SECISBP2: variants seen among roughly 807,000 people sequenced by gnomAD.
SECISBP2 encodes the protein SECIS binding protein 2.
SECISBP2 carries 96 observed loss-of-function variants against 98.2 expected under a neutral mutation model. That is an observed-to-expected ratio of 0.98 (90% CI 0.83 to 1.16). The LOEUF is 1.16. SECISBP2 is among the 50% of genes most tolerant of loss of function. The pLI is 0.00. For synonymous variants in SECISBP2, 407 were observed against 370.2 expected, an observed-to-expected ratio of 1.10 and a Z score of -1.14; for missense variants, 1,046 against 1,022.9, an observed-to-expected ratio of 1.02 and a Z score of -0.31.
intron 14 of SECISBP2, among the ~76,000 whole-genome samples, chr9:89,354,625 G>A (rs1184259515): frequency 1.3e-5 from 2 of 152,154 alleles, no homozygotes; most frequent in Non-Finnish European, 1.5e-5. Context: ...CACCATAGAG[G>A]CACAGTGAGT....
chr9:89,334,792 A>T, intron 7 of SECISBP2, 62 bp downstream of exon 7: 1 of 1,222,340 alleles, frequency 8.2e-7, no homozygotes. Context: ...AGAGTGGGGA[A>T]TGAGAAGTTA....
chr9:89,318,684 C>A, intron 1 of SECISBP2, 72 bp downstream of exon 1: 2 of 1,332,364 alleles, frequency 1.5e-6, no homozygotes, highest in South Asian at 1.7e-5. Flanking sequence ...CTCGGCCGGG[C>A]GGTGACGGGG....
rs1830971995 is a variant in SECISBP2 at position 89,349,698 on chromosome 9, G to C, written c.1739-78G>C. The C allele has an allele frequency of 1.2e-5, 18 of 1,493,198 alleles. No individual in the cohort carries two copies. The South Asian group carries it at 1.9e-4, about 16-fold the overall frequency. 92.5% of individuals were successfully genotyped at this position (1,493,198 alleles called of 1,614,324 possible). On this transcript the variant is annotated intron_variant, in intron 12 of 16. Coordinates refer to ENST00000375807, the MANE Select transcript of SECISBP2 (RefSeq NM_024077.5). ...TGTGCAGGGGTCTGGTTGCATCGGT[G>C]AGACTGCATTGGGCCAGCCCCTCAG...
chr9:89,320,355 C>CAAA (rs776426275), intron 2 of SECISBP2, among the ~76,000 whole-genome samples: 4 of 51,920 alleles, frequency 7.7e-5, no homozygotes, highest in African/African-American at 1.9e-4. Flanking sequence ...GACTCTGTCT[C>CAAA]AAAAAAAAAA....
rs369021208 is a variant in SECISBP2, at chr9:89,358,834, C to T, written c.*10C>T. The T allele has an allele frequency of 2.1e-4, 336 of 1,573,924 alleles. 2 individuals are homozygous for T. The South Asian group carries it at 3.5e-3, about 16-fold the overall frequency. On this transcript the variant is annotated 3_prime_UTR_variant, in exon 17 of 17. Coordinates refer to ENST00000375807, the MANE Select transcript of SECISBP2 (RefSeq NM_024077.5). ...GAATTTGAATTTATGAGAGTTCTTG[C>T]CTGTGTGTCTGTATTTTGGGTAAGG...
intron 14 of SECISBP2, among the ~76,000 whole-genome samples, chr9:89,351,415 G>T (rs890922473): frequency 1.3e-5 from 2 of 152,172 alleles, no homozygotes; most frequent in Admixed American, 1.3e-4. Flanking sequence ...CTGTGCTTGT[G>T]CTGTCTTGGC....
chr9:89,364,441 T>A, downstream of SECISBP2: 1 of 223,278 alleles, frequency 4.5e-6, no homozygotes, highest in East Asian at 9.8e-5. Context: ...CATGAGGGCC[T>A]GTCTCTCCAA....
At chr9:89,319,966 C>T (rs939857479) in intron 2 of SECISBP2, among the ~76,000 whole-genome samples, 169 bp downstream of exon 2, 2 of 152,144 alleles carry the variant, frequency 1.3e-5, no homozygotes, top group Non-Finnish European at 2.9e-5. Flanking sequence ...GTATCCTGTG[C>T]CAAAAACAGA....
intron 12 of SECISBP2, 86 bp downstream of exon 12, chr9:89,348,300 A>G (rs1243469496): frequency 1.4e-6 from 2 of 1,462,350 alleles, no homozygotes; most frequent in Non-Finnish European, 1.9e-6. Context: ...ACTCTCCAGG[A>G]CTTGGCTGAC....
At chr9:89,320,942 G>GTT (rs1440626352) in intron 2 of SECISBP2, among the ~76,000 whole-genome samples, 1 of 152,168 alleles carries the variant, frequency 6.6e-6, no homozygotes, top group Non-Finnish European at 1.5e-5. Context: ...ATTGAAAATA[G>GTT]TTTGTACTGT....
chr9:89,362,530 A>G, downstream of SECISBP2: 8 of 1,598,822 alleles, frequency 5.0e-6, no homozygotes, highest in Non-Finnish European at 6.0e-6. Context: ...AGAGCACTCA[A>G]GGCCTCAGCC....
intron 9 of SECISBP2, among the ~76,000 whole-genome samples, chr9:89,340,714 T>C (rs1311598704): frequency 6.6e-6 from 1 of 152,188 alleles, no homozygotes; most frequent in Non-Finnish European, 1.5e-5. Flanking sequence ...AAGAGAACAC[T>C]TGGCAGGAGA....
chr9:89,326,959 A>G (rs1201181053), intron 4 of SECISBP2, among the ~76,000 whole-genome samples: 1 of 152,140 alleles, frequency 6.6e-6, no homozygotes, highest in African/African-American at 2.4e-5. Flanking sequence ...TCAGGAGATC[A>G]AGATCATCCT....
At chr9:89,333,946 C>A in intron 6 of SECISBP2, 1 of 885,822 alleles carries the variant, frequency 1.1e-6, no homozygotes, top group African/African-American at 1.8e-5. Flanking sequence ...CTGTTTTACC[C>A]TTGGGGGTAG....
intron 2 of SECISBP2, among the ~76,000 whole-genome samples, chr9:89,321,960 A>C (rs1280223450): frequency 1.3e-5 from 2 of 152,248 alleles, no homozygotes; most frequent in Non-Finnish European, 2.9e-5. Context: ...TTCTGAAACA[A>C]CTATTTCCTC....
chr9:89,355,783 A>G (rs929168009), intron 14 of SECISBP2, among the ~76,000 whole-genome samples: 3 of 152,170 alleles, frequency 2.0e-5, no homozygotes, highest in African/African-American at 7.2e-5. Flanking sequence ...GTGGTCTAAG[A>G]TGGACAGGAT....
chr9:89,356,670 T>C (rs1397806280), intron 14 of SECISBP2: 3 of 152,136 alleles, frequency 2.0e-5, no homozygotes, highest in Admixed American at 2.0e-4. Context: ...GATCTTACTA[T>C]GTTGCGTAGG....
chr9:89,340,446 A>C (rs1212588539), intron 9 of SECISBP2, among the ~76,000 whole-genome samples: 1 of 152,196 alleles, frequency 6.6e-6, no homozygotes, highest in Non-Finnish European at 1.5e-5. Context: ...TGTGAGTCAT[A>C]ATTTAGATGG....
At chr9:89,324,332 T>G (rs889685151) in intron 2 of SECISBP2, 1 of 152,238 alleles carries the variant, frequency 6.6e-6, no homozygotes, top group Admixed American at 6.5e-5. Context: ...TGATTTTTAA[T>G]TAGGAATATT....
Sources: gnomAD v4.1 joint callset for allele counts (sites outside exome capture counted in the v4.1 genomes callset) on GRCh38, gnomAD v4.1.1 for gene constraint, MANE v1.5 for transcripts, NCBI Gene and HGNC (gene_info 2026-07-23, HGNC 2026-07-21) for gene names.